Variants in PATJ observed in about 807,000 individuals in gnomAD.
PATJ encodes inaD-like protein.
In PATJ, 190 loss-of-function variants were observed where a neutral mutation model predicts 224.9. The ratio of observed to expected loss-of-function variants is 0.84; its 90% confidence interval spans 0.75 to 0.95. The LOEUF is 0.95. Among genes scored for constraint, PATJ ranks in the 40% least tolerant of loss-of-function variants. PATJ has a pLI of 0.00. For synonymous variants in PATJ, 769 were observed against 820.3 expected (o/e 0.94, Z 1.07); for missense variants, 2,121 against 2,270.3 (o/e 0.93, Z 1.34).
At chr1:61,762,656 C>T (rs1005797668) in intron 1 of PATJ, among the ~76,000 whole-genome samples, 4 of 152,128 alleles carry the variant, frequency 2.6e-5, no homozygotes, top group Admixed American at 6.6e-5. Context: ...TTCACAGCCT[C>T]GTTGAAACTT....
At chr1:61,938,369 G>GT (rs141636171) in intron 27 of PATJ, among the ~76,000 whole-genome samples, 7,252 of 151,970 alleles carry the variant, frequency 0.048, 582 homozygotes, top group African/African-American at 0.16. Flanking sequence ...GTAGTAGAGA[G>GT]GGTGGGGTGT....
chr1:62,158,568 A>C (rs1276040936), intron 43 of PATJ, among the ~76,000 whole-genome samples: 1 of 148,678 alleles, frequency 6.7e-6, no homozygotes, highest in Non-Finnish European at 1.5e-5. Flanking sequence ...AAAAATACAA[A>C]AAATTAGCCA....
chr1:62,129,739 G>C (rs1255163692), intron 41 of PATJ, among the ~76,000 whole-genome samples: 1 of 151,964 alleles, frequency 6.6e-6, no homozygotes, highest in Non-Finnish European at 1.5e-5. Flanking sequence ...TCAGGAGTTC[G>C]AGACCAGCCT....
chr1:61,948,965 C>T (rs1287909370), intron 27 of PATJ, among the ~76,000 whole-genome samples: 1 of 150,946 alleles, frequency 6.6e-6, no homozygotes, highest in Non-Finnish European at 1.5e-5. Flanking sequence ...ATCACAAGGA[C>T]AGAAAACCAA....
At position 61,912,794 on chromosome 1, in the gene PATJ, A is replaced by G. The variant is rs1672884202; in HGVS notation, c.3493-1793A>G. Among the ~76,000 whole-genome samples the G allele has an allele frequency of 3.9e-5, 6 of 152,040 alleles. No individual in the cohort carries two copies. In the South Asian group the frequency reaches 1.2e-3, roughly 32 times the overall value. ...CTGTCTCATCCCAAAGCTTCTATTT[A>G]GCATCAGCTAGTTTTTCTATGGGAG... On this transcript the variant is annotated intron_variant, in intron 25 of 43. Coordinates refer to ENST00000642238, the MANE Select transcript of PATJ (RefSeq NM_001350145.3).
intron 27 of PATJ, among the ~76,000 whole-genome samples, chr1:61,930,306 C>T (rs186755423): frequency 6.6e-6 from 1 of 152,208 alleles, no homozygotes; most frequent in East Asian, 1.9e-4. Flanking sequence ...CCCGTATTTC[C>T]CTTTGAAATA....
chr1:62,013,539 C>T (rs1646578830), intron 28 of PATJ: 4 of 976,956 alleles, frequency 4.1e-6, no homozygotes, highest in South Asian at 4.7e-5. Flanking sequence ...GTAGGTGTTG[C>T]GTGCCTGCGC....
At chr1:62,135,745 G>A (rs528572420) in intron 41 of PATJ, among the ~76,000 whole-genome samples, 14 of 152,272 alleles carry the variant, frequency 9.2e-5, no homozygotes, top group African/African-American at 2.6e-4. Context: ...TAAAAAGGTT[G>A]CTCTGAGGAT....
At chr1:61,778,485 G>A (rs2148423166) in intron 7 of PATJ, among the ~76,000 whole-genome samples, 1 of 152,232 alleles carries the variant, frequency 6.6e-6, no homozygotes, top group African/African-American at 2.4e-5. Flanking sequence ...CACTTGCCAA[G>A]TTTTGGTGTG....
At chr1:61,861,308 A>C in intron 18 of PATJ, among the ~76,000 whole-genome samples, 1 of 36,310 alleles carries the variant, frequency 2.8e-5, no homozygotes, top group Non-Finnish European at 6.3e-5. Flanking sequence ...TTTTTTTTTT[A>C]CGTGAATGAA....
rs141549230 is a variant in PATJ, at chr1:62,128,065, G to A, written c.5137G>A (p.Gly1713Arg). Residue 1713 changes from glycine (G) to arginine (R), a missense_variant, in exon 40 of 44, where the codon GGA becomes AGA. Transcript: ENST00000642238. Reference sequence around the variant, plus strand: ...ATTTATTGCCATGATTCAGGCTAGCGGAGTGGCCGCACGGACACAGAAGCT... The same window carrying A: ...ATTTATTGCCATGATTCAGGCTAGCAGAGTGGCCGCACGGACACAGAAGCT... ...PVFIAMIQAS[G>R]VAARTQKLKV... 3.6e-4 allele frequency: 578 copies of A among 1,614,094 alleles called. 2 individuals carry two copies. The highest frequency in any genetic ancestry group is 3.2e-3 in the African/African-American group (240 of 75,038).
chr1:61,979,826 A>C (rs1644354482), intron 27 of PATJ, among the ~76,000 whole-genome samples: 2 of 152,042 alleles, frequency 1.3e-5, no homozygotes, highest in Non-Finnish European at 2.9e-5. Context: ...CAAACGAGGC[A>C]TGATCTAATG....
chr1:62,046,862 G>A (rs1291006400), intron 30 of PATJ, among the ~76,000 whole-genome samples: 1 of 152,146 alleles, frequency 6.6e-6, no homozygotes, highest in African/African-American at 2.4e-5. Flanking sequence ...GACATAGAGA[G>A]TATTTTTTGT....
intron 27 of PATJ, among the ~76,000 whole-genome samples, chr1:61,978,763 T>G (rs1571618812): frequency 6.6e-6 from 1 of 152,192 alleles, no homozygotes; most frequent in East Asian, 1.9e-4. Context: ...TTCTCTGTAT[T>G]ATATTATTCT....
Position 61,856,060 on chromosome 1 carries a change from G to C in PATJ, c.2143G>C (p.Val715Leu). 6.2e-7 allele frequency: 1 copy of C among 1,614,082 alleles called. No individual in the cohort carries two copies. Among genetic ancestry groups the C allele is most frequent in the Non-Finnish European group, 8.5e-7 (1 of 1,179,962 alleles). The part of the protein sequence containing the change: ...DPLDPTRSVI[V>L]IRSLVADGVA... ...TTTAGATCCTACAAGATCAGTGATT[G>C]TGATCCGCTCCCTGGTAGCAGATGG... The change falls in exon 18 of 44, where the codon GTG (valine) becomes CTG (leucine). Residue 715 changes from valine (V) to leucine (L), a missense_variant. Physicochemically the swap from Val to Leu is conservative, Grantham distance 32 (BLOSUM62 1). Transcript: ENST00000642238.
At chr1:62,131,612 C>G (rs1312807201) in intron 41 of PATJ, among the ~76,000 whole-genome samples, 1 of 151,708 alleles carries the variant, frequency 6.6e-6, no homozygotes, top group Admixed American at 6.6e-5. Context: ...CACCCCATTG[C>G]ACCCCAGCAT....
In PATJ at chr1:62,015,125, C is replaced by T. The variant is rs555192050; in HGVS notation, c.3868-2731C>T. 7.9e-5 allele frequency among the ~76,000 whole-genome samples: 12 copies of T among 151,894 alleles called. No homozygotes were observed. In the South Asian group the frequency reaches 2.1e-3, roughly 26 times the overall value. On this transcript the variant is annotated intron_variant, in intron 28 of 43. Transcript: ENST00000642238. ...GACCAGCCTGGCCAACATAGTGAAACCCCATCTCTACTAAAAATACAAAAA... is the reference window on the plus strand; with the variant it reads ...GACCAGCCTGGCCAACATAGTGAAATCCCATCTCTACTAAAAATACAAAAA...
intron 31 of PATJ, among the ~76,000 whole-genome samples, chr1:62,063,528 C>T (rs1354361006): frequency 6.6e-6 from 1 of 151,784 alleles, no homozygotes; most frequent in Non-Finnish European, 1.5e-5. Flanking sequence ...GATAGCTTTT[C>T]CTACTTTTGT....
intron 17 of PATJ, among the ~76,000 whole-genome samples, chr1:61,844,895 C>A (rs1287061397): frequency 6.6e-6 from 1 of 152,138 alleles, no homozygotes. Flanking sequence ...CTTTGCGTTA[C>A]ACCATGATTG....
Sources: allele counts gnomAD v4.1 joint callset (sites outside exome capture counted in the v4.1 genomes callset), GRCh38; gene constraint gnomAD v4.1.1; transcripts MANE v1.5; gene names NCBI Gene and HGNC (gene_info 2026-07-23, HGNC 2026-07-21).